Variants in CHCHD3 observed in about 807,000 individuals in gnomAD.
CHCHD3 encodes MICOS complex subunit MIC19.
A neutral mutation model predicts 38.2 loss-of-function variants in CHCHD3; 20 were observed. The ratio of observed to expected loss-of-function variants is 0.52; its 90% CI spans 0.37 to 0.76. The LOEUF is 0.76. Ranked by LOEUF, CHCHD3 falls within the 30% of genes least tolerant of loss-of-function variation. The pLI is 0.00. For synonymous variants in CHCHD3, 82 were observed against 100.0 expected, an observed-to-expected ratio of 0.82 and a Z score of 1.07; for missense variants, 245 against 279.2, an observed-to-expected ratio of 0.88 and a Z score of 0.87.
At chr7:132,833,563 T>C (rs895912493) in intron 6 of CHCHD3, among the ~76,000 whole-genome samples, 5 of 152,214 alleles carry the variant, frequency 3.3e-5, no homozygotes, top group African/African-American at 1.2e-4. Flanking sequence ...TGATGAACTC[T>C]GAGTTCCACA....
intron 2 of CHCHD3, among the ~76,000 whole-genome samples, chr7:133,042,826 TAATA>T (rs1813869206): frequency 6.6e-6 from 1 of 152,220 alleles, no homozygotes; most frequent in Non-Finnish European, 1.5e-5. Context: ...TGAATATTAT[TAATA>T]AAGATCATGA....
intron 6 of CHCHD3, among the ~76,000 whole-genome samples, chr7:132,827,906 A>C (rs962199315): frequency 1.3e-5 from 2 of 152,144 alleles, no homozygotes; most frequent in African/African-American, 2.4e-5. Flanking sequence ...TAAAGTAGAA[A>C]ACTGCGCTTT....
intron 4 of CHCHD3, among the ~76,000 whole-genome samples, chr7:132,894,868 C>T (rs556372820): frequency 1.3e-5 from 2 of 152,208 alleles, no homozygotes; most frequent in African/African-American, 4.8e-5. Flanking sequence ...GAATTAGGTG[C>T]TGCCAGCATG....
At chr7:132,798,437 A>C (rs1412924492) in intron 6 of CHCHD3, among the ~76,000 whole-genome samples, 1 of 152,170 alleles carries the variant, frequency 6.6e-6, no homozygotes, top group African/African-American at 2.4e-5. Context: ...CGTGCTTCAA[A>C]GAGTATAGGC....
intron 6 of CHCHD3, among the ~76,000 whole-genome samples, chr7:132,797,174 C>T (rs1428904418): frequency 6.6e-6 from 1 of 152,172 alleles, no homozygotes; most frequent in Non-Finnish European, 1.5e-5. Context: ...TTCCTGCCTA[C>T]TCTGTGGCCT....
At chr7:132,869,073 C>T (rs1808701946) in intron 5 of CHCHD3, among the ~76,000 whole-genome samples, 1 of 152,182 alleles carries the variant, frequency 6.6e-6, no homozygotes, top group African/African-American at 2.4e-5. Context: ...TATCCTAAGT[C>T]AGACACTTCT....
chr7:132,939,145 T>C (rs1810701666), intron 4 of CHCHD3, among the ~76,000 whole-genome samples: 2 of 152,040 alleles, frequency 1.3e-5, no homozygotes, highest in Non-Finnish European at 2.9e-5. Flanking sequence ...TACAATGGAG[T>C]TGAACATTTC....
At chr7:132,928,875 T>C (rs1810447938) in intron 4 of CHCHD3, among the ~76,000 whole-genome samples, 1 of 152,152 alleles carries the variant, frequency 6.6e-6, no homozygotes, top group Non-Finnish European at 1.5e-5. Context: ...GTTCTCCTTC[T>C]CTTTCCAAGG....
chr7:133,063,547 C>T (rs1463696989), intron 2 of CHCHD3, among the ~76,000 whole-genome samples: 5 of 152,046 alleles, frequency 3.3e-5, no homozygotes, highest in Admixed American at 1.3e-4. Context: ...TACGGACAAA[C>T]AAAAATGCTT....
At chr7:132,987,473 T>C (rs1245570619) in intron 3 of CHCHD3, among the ~76,000 whole-genome samples, 3 of 152,216 alleles carry the variant, frequency 2.0e-5, no homozygotes, top group African/African-American at 7.2e-5. Flanking sequence ...AAGATGGACC[T>C]TGGAGAAATT....
At chr7:133,042,467 C>T (rs1584666908) in intron 2 of CHCHD3, among the ~76,000 whole-genome samples, 1 of 152,270 alleles carries the variant, frequency 6.6e-6, no homozygotes, top group South Asian at 2.1e-4. Flanking sequence ...ATCCTTATCC[C>T]AGAAAGATGT....
intron 2 of CHCHD3, among the ~76,000 whole-genome samples, chr7:133,024,944 A>AAT (rs1699557367): frequency 6.6e-6 from 1 of 152,198 alleles, no homozygotes; most frequent in Non-Finnish European, 1.5e-5. Context: ...TCCTAACATT[A>AAT]AAGTCTGACA....
chr7:132,884,427 T>C (rs1329113640), intron 5 of CHCHD3, among the ~76,000 whole-genome samples: 1 of 152,148 alleles, frequency 6.6e-6, no homozygotes, highest in Non-Finnish European at 1.5e-5. Context: ...TACCTCATTT[T>C]CTTCACTAGT....
At chr7:132,951,155 C>A (rs1447306620) in intron 4 of CHCHD3, among the ~76,000 whole-genome samples, 3 of 152,104 alleles carry the variant, frequency 2.0e-5, no homozygotes, top group African/African-American at 7.2e-5. Context: ...TTAGGAAAAT[C>A]AGAAGTAGTG....
chr7:132,917,850 C>T (rs1585636517), intron 4 of CHCHD3, among the ~76,000 whole-genome samples: 1 of 96,554 alleles, frequency 1.0e-5, no homozygotes, highest in Admixed American at 1.2e-4. Context: ...CAGAGTGAGA[C>T]TCCATCTCAA....
intron 7 of CHCHD3, 42 bp downstream of exon 7, chr7:132,796,400 C>T (rs1244692360): frequency 6.2e-7 from 1 of 1,608,282 alleles, no homozygotes; most frequent in South Asian, 1.1e-5. Flanking sequence ...ATCCAGTTTT[C>T]AATTTGCCCA....
At chr7:133,017,533 T>C (rs1813062408) in intron 3 of CHCHD3, among the ~76,000 whole-genome samples, 1 of 152,138 alleles carries the variant, frequency 6.6e-6, no homozygotes, top group Non-Finnish European at 1.5e-5. Flanking sequence ...AATGCAGAAA[T>C]TGACTTTGGC....
chr7:133,011,957 C>G (rs938363477), intron 3 of CHCHD3, among the ~76,000 whole-genome samples: 1 of 152,110 alleles, frequency 6.6e-6, no homozygotes, highest in African/African-American at 2.4e-5. Flanking sequence ...CAGAGTATTG[C>G]TCTGCCACCC....
chr7:133,080,908 A>G (rs1364856918), intron 1 of CHCHD3, among the ~76,000 whole-genome samples: 2 of 127,052 alleles, frequency 1.6e-5, no homozygotes, highest in African/African-American at 7.7e-5. Context: ...AGAAAAAAAT[A>G]TATAAATTAT....
Sources: gnomAD v4.1 joint callset for allele counts (sites outside exome capture counted in the v4.1 genomes callset) on GRCh38, gnomAD v4.1.1 for gene constraint, MANE v1.5 for transcripts, NCBI Gene and HGNC (gene_info 2026-07-23, HGNC 2026-07-21) for gene names.